Variants in ACSS3 observed in about 807,000 individuals in gnomAD.
ACSS3 encodes the protein acyl-CoA synthetase short-chain family member 3, mitochondrial.
ACSS3 carries 64 observed loss-of-function variants against 84.2 expected under a neutral mutation model. The ratio of observed to expected loss-of-function variants is 0.76; its 90% CI spans 0.62 to 0.94. The LOEUF (loss-of-function observed/expected upper bound fraction) is 0.94, where lower values mean the gene tolerates loss of function less well. Ranked by LOEUF, ACSS3 falls within the 40% of genes least tolerant of loss-of-function variation. ACSS3 has a pLI of 0.00. For synonymous variants in ACSS3, 317 were observed against 310.1 expected, an observed-to-expected ratio of 1.02 and a Z score of -0.23; for missense variants, 815 against 867.6, an observed-to-expected ratio of 0.94 and a Z score of 0.76.
chr12:81,190,707 T>G (rs1405591427), intron 8 of ACSS3, among the ~76,000 whole-genome samples: 2 of 152,062 alleles, frequency 1.3e-5, no homozygotes, highest in Non-Finnish European at 2.9e-5. Context: ...CAATATTCAT[T>G]ATTAAGGAAA....
intron 9 of ACSS3, among the ~76,000 whole-genome samples, chr12:81,214,606 C>T (rs1272078603): frequency 1.3e-5 from 2 of 152,082 alleles, no homozygotes; most frequent in Non-Finnish European, 2.9e-5. Flanking sequence ...TCAGGAGGTT[C>T]GTATATCAGC....
intron 3 of ACSS3, among the ~76,000 whole-genome samples, chr12:81,136,280 T>C (rs1402435103): frequency 1.3e-5 from 2 of 152,194 alleles, no homozygotes; most frequent in African/African-American, 2.4e-5. Context: ...TTAATGGTAA[T>C]TGACCAGATA....
chr12:81,184,279 A>G (rs2031121657), intron 8 of ACSS3, among the ~76,000 whole-genome samples: 1 of 151,958 alleles, frequency 6.6e-6, no homozygotes, highest in African/African-American at 2.4e-5. Flanking sequence ...AACTTATGGG[A>G]TGCAGCAAAA....
chr12:81,135,063 C>A, intron 3 of ACSS3, 59 bp downstream of exon 3: 1 of 1,394,756 alleles, frequency 7.2e-7, no homozygotes, highest in East Asian at 2.5e-5. Flanking sequence ...TCATATTTAT[C>A]TGTGGATGAA....
intron 9 of ACSS3, among the ~76,000 whole-genome samples, chr12:81,204,107 G>A (rs1322988354): frequency 6.6e-6 from 1 of 152,002 alleles, no homozygotes; most frequent in African/African-American, 2.4e-5. Flanking sequence ...AACTGTCAGT[G>A]CAGTGCATGG....
At chr12:81,250,671 TAA>T (rs1037467227) in intron 13 of ACSS3, among the ~76,000 whole-genome samples, 1 of 152,084 alleles carries the variant, frequency 6.6e-6, no homozygotes, top group African/African-American at 2.4e-5. Context: ...ATTTATTTTT[TAA>T]CAGTGATTTG....
intron 4 of ACSS3, among the ~76,000 whole-genome samples, chr12:81,140,340 A>G (rs1031945555): frequency 1.3e-5 from 2 of 152,234 alleles, no homozygotes; most frequent in African/African-American, 4.8e-5. Flanking sequence ...TCTTCACCCA[A>G]GCAAATCTCT....
At chr12:81,145,165 C>A (rs2135737661) in intron 5 of ACSS3, among the ~76,000 whole-genome samples, 1 of 151,154 alleles carries the variant, frequency 6.6e-6, no homozygotes, top group South Asian at 2.1e-4. Context: ...ATCCACCCGC[C>A]TCGGCCTCCC....
chr12:81,162,185 C>G (rs1318987741), intron 7 of ACSS3, among the ~76,000 whole-genome samples: 2 of 152,172 alleles, frequency 1.3e-5, no homozygotes, highest in Admixed American at 1.3e-4. Flanking sequence ...GGAGGGTGAG[C>G]AAGGCAAAGA....
intron 10 of ACSS3, among the ~76,000 whole-genome samples, chr12:81,218,194 T>A (rs2032990630): frequency 6.6e-6 from 1 of 152,220 alleles, no homozygotes; most frequent in Non-Finnish European, 1.5e-5. Context: ...GTAGTGCTAC[T>A]AATATTTCAG....
intron 8 of ACSS3, among the ~76,000 whole-genome samples, chr12:81,181,747 C>A (rs368139656): frequency 3.8e-3 from 180 of 47,828 alleles, no homozygotes; most frequent in African/African-American, 6.5e-3. Flanking sequence ...ATCAATTAAG[C>A]AAAAAAAAAA....
At chr12:81,101,392 A>T (rs1882500515) in intron 1 of ACSS3, among the ~76,000 whole-genome samples, 1 of 152,162 alleles carries the variant, frequency 6.6e-6, no homozygotes, top group Non-Finnish European at 1.5e-5. Flanking sequence ...AAGTTTTATT[A>T]CATAAAAATA....
chr12:81,094,861 C>G (rs1362330673), intron 1 of ACSS3: 1 of 152,148 alleles, frequency 6.6e-6, no homozygotes, highest in Non-Finnish European at 1.5e-5. Context: ...TCCTGTCTTC[C>G]TCCCATTTCT....
Position 81,101,475 on chromosome 12 carries a change from G to A in ACSS3, c.312-8085G>A, listed in dbSNP as rs1273518294. On this transcript the variant is annotated intron_variant, in intron 1 of 15. Coordinates refer to ENST00000548058, the MANE Select transcript of ACSS3 (RefSeq NM_024560.4). ...GAGTTTACCACTATTATTTTCTTAA[G>A]CATTTTTCCATACTGCTTGTGCATT... 2.6e-5 allele frequency among the ~76,000 whole-genome samples: 4 copies of A among 151,944 alleles called. No homozygotes were observed. In the East Asian group the frequency reaches 7.7e-4, roughly 29 times the overall value.
intron 5 of ACSS3, among the ~76,000 whole-genome samples, chr12:81,150,370 A>C (rs1419194045): frequency 1.3e-5 from 2 of 152,226 alleles, no homozygotes; most frequent in African/African-American, 4.8e-5. Flanking sequence ...GTTTTTATAA[A>C]GTGTTTGCAA....
At chr12:81,088,376 A>T (rs1253283184) in intron 1 of ACSS3, among the ~76,000 whole-genome samples, 1 of 152,036 alleles carries the variant, frequency 6.6e-6, no homozygotes, top group Non-Finnish European at 1.5e-5. Context: ...GTAAATAATA[A>T]CTTTATGACT....
chr12:81,111,267 A>G (rs987693936), intron 2 of ACSS3, among the ~76,000 whole-genome samples: 3 of 152,202 alleles, frequency 2.0e-5, no homozygotes, highest in African/African-American at 2.4e-5. Flanking sequence ...CCTTGAGTCA[A>G]TCTTCTAGAT....
At position 81,260,172 on chromosome 12, in the gene ACSS3, C is replaced by G. The variant is rs1005453232; in HGVS notation, c.*5250C>G. ...TAGAAAAAGCTCACAATTGCTATTACTGACACAAAAGAAACAGCAAGTAGT... is the reference window on the plus strand; with the variant it reads ...TAGAAAAAGCTCACAATTGCTATTAGTGACACAAAAGAAACAGCAAGTAGT... On this transcript the variant is annotated 3_prime_UTR_variant, in exon 16 of 16. Coordinates refer to ENST00000548058, the MANE Select transcript of ACSS3 (RefSeq NM_024560.4). The G allele has an allele frequency of 6.6e-5, 10 of 152,218 alleles. No homozygotes were observed. Among genetic ancestry groups the G allele is most frequent in the African/African-American group, 2.4e-4 (10 of 41,438 alleles). The allele number at this position is 152,218 out of a possible 1,614,324, so 9.4% of individuals were successfully genotyped here. A position where few individuals can be genotyped will look rare whatever the true frequency, so the allele number is the denominator to read the frequency against.
At chr12:81,078,044 C>A (rs772370583), upstream of ACSS3, 136 of 1,407,678 alleles carry the variant, frequency 9.7e-5, no homozygotes, top group Non-Finnish European at 1.2e-4. Flanking sequence ...CCGCCCCCTA[C>A]TCCCTTCCCT....
Sources: gnomAD v4.1 joint callset for allele counts (sites outside exome capture counted in the v4.1 genomes callset) on GRCh38, gnomAD v4.1.1 for gene constraint, MANE v1.5 for transcripts, NCBI Gene and HGNC (gene_info 2026-07-23, HGNC 2026-07-21) for gene names.